KIAA1217: variants seen among roughly 807,000 people sequenced by gnomAD.
The protein encoded by KIAA1217 is sickle tail protein homolog.
In KIAA1217, 88 loss-of-function variants were observed where a neutral mutation model predicts 163.9. The ratio of observed to expected loss-of-function variants is 0.54; its 90% CI spans 0.45 to 0.64. KIAA1217 has a LOEUF of 0.64. Among genes scored for constraint, KIAA1217 ranks in the 30% least tolerant of loss-of-function variants. The probability of loss-of-function intolerance (pLI) is 0.00; values close to 1 mark genes in which losing one functional copy is unlikely to be tolerated. For missense variants in KIAA1217, 2,372 were observed against 2,475.0 expected, an observed-to-expected ratio of 0.96 and a Z score of 0.88; for synonymous variants, 903 against 923.1, an observed-to-expected ratio of 0.98 and a Z score of 0.39.
intron 2 of KIAA1217, among the ~76,000 whole-genome samples, chr10:24,264,813 TTCTCTCTC>T (rs371606594): frequency 2.7e-4 from 35 of 130,894 alleles, no homozygotes; most frequent in Non-Finnish European, 1.6e-5. Context: ...CATTCTCTCT[TTCTCTCTC>T]TCTCTCCCTT....
In KIAA1217 at chr10:24,433,089, T is replaced by G; in HGVS notation, c.648T>G (p.Ser216Arg). The G allele has an allele frequency of 6.2e-7, 1 of 1,614,156 alleles. No individual in the cohort carries two copies. Among genetic ancestry groups the G allele is most frequent in the Non-Finnish European group, 8.5e-7 (1 of 1,180,020 alleles). Residue 216 changes from serine to arginine, a missense_variant, in exon 4 of 21, where the codon AGT becomes AGG. Physicochemically the swap from Ser to Arg is moderately radical, Grantham distance 110. This residue lies in a region of KIAA1217 where 1,431 missense variants were observed against 1,470.3 expected (regional missense o/e 0.97). Coordinates refer to ENST00000376454, the MANE Select transcript of KIAA1217 (RefSeq NM_019590.5). ...ACACAATCCGTGCTCTCTTCGTAAG[T>G]GCCTTTCCACAGCAGCTCACCATGA... is the stretch of plus-strand genomic sequence containing the variant. ...SADTIRALFV[S>R]AFPQQLTMKM...
chr10:23,851,579 A>T (rs1839325259), intron 1 of KIAA1217, among the ~76,000 whole-genome samples: 1 of 152,154 alleles, frequency 6.6e-6, no homozygotes, highest in African/African-American at 2.4e-5. Context: ...ATCCCTGAGG[A>T]ATCGCCACAC....
chr10:24,426,241 T>C (rs2059157345), intron 3 of KIAA1217, among the ~76,000 whole-genome samples: 1 of 152,232 alleles, frequency 6.6e-6, no homozygotes, highest in Non-Finnish European at 1.5e-5. Flanking sequence ...TAAAGGTATC[T>C]GAGCGTCTAC....
intron 2 of KIAA1217, among the ~76,000 whole-genome samples, chr10:24,380,009 A>G (rs10159684): frequency 0.024 from 3,729 of 152,268 alleles, 168 homozygotes; most frequent in African/African-American, 0.085. Context: ...CCAAGATGGC[A>G]CCACTGCACT....
chr10:24,520,268 G>C lies in KIAA1217; in HGVS notation c.2308+15G>C. The C allele has an allele frequency of 2.5e-6, 4 of 1,613,836 alleles. No individual in the cohort carries two copies. Among genetic ancestry groups the C allele is most frequent in the Non-Finnish European group, 3.4e-6 (4 of 1,179,854 alleles). Reference sequence around the variant, plus strand: ...TACCCTGAAAGGTAAACTTTCTGCTGGGTCGGGGGAGGAGTCTGAGCTGTC... The same window carrying C: ...TACCCTGAAAGGTAAACTTTCTGCTCGGTCGGGGGAGGAGTCTGAGCTGTC... On this transcript the variant is annotated intron_variant, in intron 11 of 20. Coordinates refer to ENST00000376454, the MANE Select transcript of KIAA1217 (RefSeq NM_019590.5).
chr10:23,717,728 G>A (rs7070388), intron 1 of KIAA1217, among the ~76,000 whole-genome samples: 8,816 of 152,144 alleles, frequency 0.058, 856 homozygotes, highest in African/African-American at 0.2. Flanking sequence ...TATGCAAAAT[G>A]TATGCTAGAA....
At chr10:24,481,782 C>T (rs904069690) in intron 6 of KIAA1217, 1 of 152,040 alleles carries the variant, frequency 6.6e-6, no homozygotes, top group East Asian at 1.9e-4. Flanking sequence ...GAAAAGGGAA[C>T]ATTTTCCCAA....
intron 7 of KIAA1217, 58 bp downstream of exon 7, chr10:24,494,662 T>G: frequency 8.7e-7 from 1 of 1,147,122 alleles, no homozygotes; most frequent in South Asian, 1.3e-5. Flanking sequence ...TTTTAATCAT[T>G]AAGATAATTC....
At chr10:23,966,062 G>A (rs530558125) in intron 1 of KIAA1217, among the ~76,000 whole-genome samples, 69 of 152,272 alleles carry the variant, frequency 4.5e-4, no homozygotes, top group African/African-American at 1.5e-3. Flanking sequence ...CATCCCTGCT[G>A]GCAGACCTGG....
intron 1 of KIAA1217, among the ~76,000 whole-genome samples, chr10:23,730,970 G>T (rs774617028): frequency 3.3e-5 from 5 of 152,088 alleles, no homozygotes; most frequent in Non-Finnish European, 7.4e-5. Flanking sequence ...TTTCCAATCT[G>T]TCTACCTTTT....
intron 2 of KIAA1217, among the ~76,000 whole-genome samples, chr10:24,240,109 G>A (rs1292757285): frequency 6.6e-6 from 1 of 152,162 alleles, no homozygotes; most frequent in Non-Finnish European, 1.5e-5. Context: ...CTGCCAGTGA[G>A]GATAAGTAAA....
chr10:23,823,934 A>G (rs1837746449), intron 1 of KIAA1217, among the ~76,000 whole-genome samples: 1 of 151,576 alleles, frequency 6.6e-6, no homozygotes, highest in African/African-American at 2.4e-5. Context: ...AGAGGGGGGG[A>G]AAGGAAGGGA....
At chr10:23,850,175 G>A (rs1339446673) in intron 1 of KIAA1217, among the ~76,000 whole-genome samples, 1 of 152,046 alleles carries the variant, frequency 6.6e-6, no homozygotes, top group East Asian at 1.9e-4. Flanking sequence ...CTAACATACA[G>A]GATCACTCAG....
At chr10:24,190,164 A>G (rs908994122) in intron 2 of KIAA1217, among the ~76,000 whole-genome samples, 4 of 152,090 alleles carry the variant, frequency 2.6e-5, no homozygotes, top group African/African-American at 9.7e-5. Context: ...CCCTTGGTAT[A>G]AGGCAAGATA....
intron 3 of KIAA1217, among the ~76,000 whole-genome samples, chr10:24,382,291 C>T (rs2053419817): frequency 6.6e-6 from 1 of 151,894 alleles, no homozygotes; most frequent in South Asian, 2.1e-4. Flanking sequence ...CTGAACTCTG[C>T]CATGTAAAAC....
At chr10:24,258,037 C>G (rs550050929) in intron 2 of KIAA1217, among the ~76,000 whole-genome samples, 38 of 152,134 alleles carry the variant, frequency 2.5e-4, no homozygotes, top group African/African-American at 8.7e-4. Flanking sequence ...ACTCTTTAGC[C>G]AGGGATAGTG....
rs149254670 is a variant in KIAA1217 at position 24,335,138 on chromosome 10, A to C, written c.355-45731A>C. On this transcript the variant is annotated intron_variant, in intron 2 of 20. Coordinates refer to ENST00000376454, the MANE Select transcript of KIAA1217 (RefSeq NM_019590.5). ...AATCCTAAAAACATTACGCTATGGG[A>C]AAAAAGCCAGCCAGAGGACCACCTG... Among the ~76,000 whole-genome samples, 12 of 152,306 alleles carry C rather than the reference A, an allele frequency of 7.9e-5. No individual in the cohort carries two copies. In the East Asian group the frequency reaches 2.3e-3, roughly 29 times the overall value.
intron 2 of KIAA1217, among the ~76,000 whole-genome samples, chr10:24,251,969 A>C (rs1393870785): frequency 6.6e-6 from 1 of 152,048 alleles, no homozygotes; most frequent in Non-Finnish European, 1.5e-5. Context: ...CACCTGGCAT[A>C]TAGTAGATGT....
chr10:24,319,510 G>C (rs186196214), intron 2 of KIAA1217, among the ~76,000 whole-genome samples: 18 of 151,198 alleles, frequency 1.2e-4, no homozygotes, highest in African/African-American at 4.1e-4. Context: ...TTACACCTAA[G>C]AGATGAAATT....
Sources: gnomAD v4.1 joint callset for allele counts (sites outside exome capture counted in the v4.1 genomes callset) on GRCh38, gnomAD v4.1.1 for gene constraint, gnomAD v4.1.1 regional missense constraint, MANE v1.5 for transcripts, NCBI Gene and HGNC (gene_info 2026-07-23, HGNC 2026-07-21) for gene names.